RUNX1: variants seen among roughly 807,000 people sequenced by gnomAD.
RUNX1 encodes the protein RUNX family transcription factor 1.
In RUNX1, 19 loss-of-function variants were observed where a neutral mutation model predicts 42.8. The observed-to-expected ratio is 0.44, with a 90% CI of 0.31 to 0.65. RUNX1 has a LOEUF of 0.65. RUNX1 is among the 30% of genes least tolerant of loss of function. The pLI is 0.07. For synonymous variants in RUNX1, 271 were observed against 289.4 expected, an observed-to-expected ratio of 0.94 and a Z score of 0.64; for missense variants, 528 against 672.0, an observed-to-expected ratio of 0.79 and a Z score of 2.37.
chr21:34,852,423 A>G (rs2057435509), intron 6 of RUNX1, among the ~76,000 whole-genome samples: 1 of 152,184 alleles, frequency 6.6e-6, no homozygotes, highest in Non-Finnish European at 1.5e-5. Flanking sequence ...GTATGCATGT[A>G]AAATTCTTCT....
intron 2 of RUNX1, among the ~76,000 whole-genome samples, chr21:34,954,417 G>C (rs1038157698): frequency 3.3e-5 from 5 of 152,168 alleles, no homozygotes; most frequent in African/African-American, 1.2e-4. Context: ...GGCTGGAGCA[G>C]AGCCTCAAAG....
At chr21:34,975,916 A>G (rs1053533794) in intron 2 of RUNX1, among the ~76,000 whole-genome samples, 5 of 152,152 alleles carry the variant, frequency 3.3e-5, no homozygotes, top group African/African-American at 1.2e-4. Context: ...AATTTTGGAA[A>G]GATGGATTGA....
intron 2 of RUNX1, among the ~76,000 whole-genome samples, chr21:35,047,434 A>G (rs2059403989): frequency 6.6e-6 from 1 of 151,640 alleles, no homozygotes. Flanking sequence ...AAGCACTTGA[A>G]AACTCTTTAA....
At chr21:34,877,588 A>G (rs772594301) in intron 5 of RUNX1, among the ~76,000 whole-genome samples, 10 of 152,162 alleles carry the variant, frequency 6.6e-5, no homozygotes, top group Non-Finnish European at 1.3e-4. Context: ...AAGGAGAAAA[A>G]GGAGGGAATG....
intron 6 of RUNX1, among the ~76,000 whole-genome samples, chr21:34,852,662 G>C (rs755145083): frequency 1.3e-5 from 2 of 152,190 alleles, no homozygotes; most frequent in Non-Finnish European, 2.9e-5. Context: ...GGGGATGTGA[G>C]TCACGACAGC....
rs2056441995 is a variant in RUNX1, at chr21:34,791,966, G to A, written c.*169C>T. 7.0e-6 allele frequency: 3 copies of A among 431,322 alleles called. No individual in the cohort carries two copies. Among genetic ancestry groups the A allele is most frequent in the South Asian group, 2.5e-5 (1 of 40,604 alleles). The allele number at this position is 431,322 out of a possible 1,614,324, so 26.7% of individuals were successfully genotyped here. A position where few individuals can be genotyped will look rare whatever the true frequency, so the allele number is the denominator to read the frequency against. On this transcript the variant is annotated 3_prime_UTR_variant, in exon 9 of 9. Coordinates refer to ENST00000675419, the MANE Select transcript of RUNX1 (RefSeq NM_001754.5). ...CGTGGGCTTCTGGGCGCAGGAGGCT[G>A]CGCGGGCCTGACCTACAGCGAGATC...
At chr21:35,020,637 A>G (rs1418906499) in intron 2 of RUNX1, among the ~76,000 whole-genome samples, 2 of 152,018 alleles carry the variant, frequency 1.3e-5, no homozygotes, top group African/African-American at 4.8e-5. Flanking sequence ...GAAGCTGCCA[A>G]CGTCACCTGG....
At chr21:34,980,352 G>A (rs541023225) in intron 2 of RUNX1, among the ~76,000 whole-genome samples, 42 of 152,192 alleles carry the variant, frequency 2.8e-4, no homozygotes, top group Admixed American at 1.0e-3. Flanking sequence ...GCCAGTATGG[G>A]TCACCCCACA....
chr21:34,878,461 G>A (rs2057849602), intron 5 of RUNX1, among the ~76,000 whole-genome samples: 1 of 151,630 alleles, frequency 6.6e-6, no homozygotes, highest in Non-Finnish European at 1.5e-5. Flanking sequence ...TTCCATTAGG[G>A]TTTCCGTATT....
At chr21:34,994,033 A>G (rs968213306) in intron 2 of RUNX1, among the ~76,000 whole-genome samples, 7 of 152,242 alleles carry the variant, frequency 4.6e-5, no homozygotes, top group African/African-American at 1.7e-4. Context: ...GCCGGCTGGC[A>G]ACATACGGAA....
chr21:34,910,429 A>G (rs1215562412), intron 2 of RUNX1, among the ~76,000 whole-genome samples: 1 of 154 alleles, frequency 6.5e-3, no homozygotes, highest in African/African-American at 0.024. Context: ...TCTGGGAACT[A>G]AGAAACAAAT....
At chr21:34,861,168 T>C (rs780759302) in intron 5 of RUNX1, among the ~76,000 whole-genome samples, 1 of 152,186 alleles carries the variant, frequency 6.6e-6, no homozygotes, top group Non-Finnish European at 1.5e-5. Flanking sequence ...CTTTGGGGAT[T>C]TGCCAGTTTT....
intron 7 of RUNX1, chr21:34,834,129 A>G (rs998038365): frequency 4.6e-6 from 3 of 651,844 alleles, no homozygotes; most frequent in African/African-American, 3.6e-5. Context: ...TCTATCCAAT[A>G]TGGATATCCA....
At chr21:34,899,047 G>C (rs1027793726) in intron 2 of RUNX1, among the ~76,000 whole-genome samples, 1 of 152,152 alleles carries the variant, frequency 6.6e-6, no homozygotes, top group Non-Finnish European at 1.5e-5. Flanking sequence ...CTGAGAAGTT[G>C]GGATTACTGG....
chr21:34,948,741 T>C (rs1264770611), intron 2 of RUNX1, among the ~76,000 whole-genome samples: 2 of 151,648 alleles, frequency 1.3e-5, no homozygotes, highest in African/African-American at 4.9e-5. Context: ...AGAATTTCTT[T>C]CTTTTTTTTC....
chr21:34,982,758 C>T (rs1377849781), intron 2 of RUNX1, among the ~76,000 whole-genome samples: 6 of 151,964 alleles, frequency 3.9e-5, no homozygotes, highest in African/African-American at 7.2e-5. Flanking sequence ...TTAGTAGAGA[C>T]GGGGTTTCAC....
intron 2 of RUNX1, 59 bp from the exon 3 acceptor site, chr21:34,893,022 C>T (rs1179035481): frequency 2.5e-6 from 3 of 1,207,664 alleles, no homozygotes; most frequent in Non-Finnish European, 3.6e-6. Flanking sequence ...TAACTTTCCC[C>T]CGACTTTTTT....
intron 2 of RUNX1, among the ~76,000 whole-genome samples, chr21:34,980,106 G>C (rs756738732): frequency 3.3e-5 from 5 of 152,242 alleles, no homozygotes; most frequent in Admixed American, 6.5e-5. Flanking sequence ...GACAGCAAAG[G>C]CTATATAAAG....
intron 6 of RUNX1, among the ~76,000 whole-genome samples, chr21:34,851,943 G>A (rs914514932): frequency 6.6e-6 from 1 of 152,168 alleles, no homozygotes; most frequent in African/African-American, 2.4e-5. Flanking sequence ...AAGGCGGGTG[G>A]ATCAGCTGAG....
Sources: gnomAD v4.1 joint callset for allele counts (sites outside exome capture counted in the v4.1 genomes callset) on GRCh38, gnomAD v4.1.1 for gene constraint, MANE v1.5 for transcripts, NCBI Gene and HGNC (gene_info 2026-07-23, HGNC 2026-07-21) for gene names.